The following GASK1B variants were observed in gnomAD, a reference collection of about 807,000 sequenced individuals.
GASK1B encodes Golgi-associated kinase 1B.
A neutral mutation model predicts 42.8 loss-of-function variants in GASK1B; 34 were observed. The ratio of observed to expected loss-of-function variants is 0.79; its 90% CI spans 0.60 to 1.06. The LOEUF is 1.06. Among genes scored for constraint, GASK1B ranks in the 50% least tolerant of loss-of-function variants. GASK1B has a pLI of 0.00. For synonymous variants in GASK1B, 262 were observed against 259.1 expected, an observed-to-expected ratio of 1.01 and a Z score of -0.11; for missense variants, 686 against 661.0, an observed-to-expected ratio of 1.04 and a Z score of -0.42.
At position 158,126,449 on chromosome 4, in the gene GASK1B, A is replaced by C. The variant is rs1415901757; in HGVS notation, c.*958T>G. 1 of 152,144 alleles carries C rather than the reference A, an allele frequency of 6.6e-6. No individual in the cohort carries two copies. The highest frequency in any genetic ancestry group is 2.4e-5 in the African/African-American group (1 of 41,460). The allele number at this position is 152,144 out of a possible 1,614,324, so 9.4% of individuals were successfully genotyped here. A position where few individuals can be genotyped will look rare whatever the true frequency, so the allele number is the denominator to read the frequency against. On this transcript the variant is annotated 3_prime_UTR_variant, in exon 5 of 5. Coordinates refer to ENST00000585682, the MANE Select transcript of GASK1B (RefSeq NM_001128424.2). ...TTGAAACACACTCAATATTTGAACC[A>C]ATTCTCAATATCTGGGCAGTAACCA...
chr4:158,144,969 A>G (rs1223671125), intron 3 of GASK1B, among the ~76,000 whole-genome samples: 1 of 152,202 alleles, frequency 6.6e-6, no homozygotes. Flanking sequence ...TTGCTGTCAT[A>G]GCACCTGACT....
At chr4:158,156,416 T>G (rs1483371963) in intron 2 of GASK1B, among the ~76,000 whole-genome samples, 1 of 152,222 alleles carries the variant, frequency 6.6e-6, no homozygotes, top group East Asian at 1.9e-4. Context: ...ACAACAGTGC[T>G]CTTGGTAAGG....
intron 3 of GASK1B, among the ~76,000 whole-genome samples, chr4:158,144,016 T>A (rs1731237768): frequency 6.6e-6 from 1 of 152,206 alleles, no homozygotes; most frequent in South Asian, 2.1e-4. Flanking sequence ...TTTTTTGTCA[T>A]GTTTTACCAT....
chr4:158,129,526 C>T (rs370628110), intron 4 of GASK1B, among the ~76,000 whole-genome samples: 7 of 152,068 alleles, frequency 4.6e-5, no homozygotes, highest in African/African-American at 1.2e-4. Context: ...TGCTAAAGTA[C>T]ATAAAATCCA....
intron 2 of GASK1B, among the ~76,000 whole-genome samples, chr4:158,162,133 A>G (rs1214497068): frequency 3.9e-5 from 6 of 152,144 alleles, no homozygotes; most frequent in African/African-American, 1.4e-4. Flanking sequence ...ACTTTTAAGA[A>G]CCAGTTCTGG....
At chr4:158,145,025 C>T (rs1026693166) in intron 3 of GASK1B, among the ~76,000 whole-genome samples, 1 of 152,124 alleles carries the variant, frequency 6.6e-6, no homozygotes, top group African/African-American at 2.4e-5. Context: ...CGGCAAGACC[C>T]TTGACCATCA....
intron 3 of GASK1B, among the ~76,000 whole-genome samples, chr4:158,134,881 A>G (rs1465001634): frequency 1.3e-5 from 2 of 152,320 alleles, no homozygotes; most frequent in African/African-American, 2.4e-5. Context: ...GCAGAAACCT[A>G]AAGATGTTCC....
In GASK1B at chr4:158,125,131, C is replaced by T. The variant is rs995613563; in HGVS notation, c.*2276G>A. The T allele has an allele frequency of 7.2e-5, 11 of 152,142 alleles. No individual in the cohort carries two copies. Among genetic ancestry groups the T allele is most frequent in the Admixed American group, 2.6e-4 (4 of 15,266 alleles). The allele number at this position is 152,142 out of a possible 1,614,324, so 9.4% of individuals were successfully genotyped here. ...TACCTATTAGAATTAAAAGCCTGGC[C>T]TTCGGCTATCCATTAGTCAAAAATA... On this transcript the variant is annotated 3_prime_UTR_variant, in exon 5 of 5. Coordinates refer to ENST00000585682, the MANE Select transcript of GASK1B (RefSeq NM_001128424.2).
chr4:158,154,125 T>A, intron 3 of GASK1B, among the ~76,000 whole-genome samples: 1 of 138,372 alleles, frequency 7.2e-6, no homozygotes, highest in Admixed American at 7.3e-5. Flanking sequence ...GACAAAGGAC[T>A]AATATCCAGA....
chr4:158,161,068 G>A lies in GASK1B; in HGVS notation c.911-5243C>T, dbSNP rs1051281724. Among the ~76,000 whole-genome samples the A allele has an allele frequency of 7.3e-5, 11 of 151,508 alleles. No homozygotes were observed. The East Asian group carries it at 7.8e-4, about 11-fold the overall frequency. On this transcript the variant is annotated intron_variant, in intron 2 of 4. Transcript: ENST00000585682. ...ATGGTGACTATAATAATAATATAACGTATATATCAAAATTACTAAAAGAAT... is the reference window on the plus strand; with the variant it reads ...ATGGTGACTATAATAATAATATAACATATATATCAAAATTACTAAAAGAAT...
At chr4:158,171,770 G>A (rs1392173945) in intron 1 of GASK1B, among the ~76,000 whole-genome samples, 171 bp from the exon 2 acceptor site, 3 of 152,108 alleles carry the variant, frequency 2.0e-5, no homozygotes, top group Non-Finnish European at 4.4e-5. Context: ...AGATTTGATA[G>A]TCACTTGAAA....
intron 3 of GASK1B, among the ~76,000 whole-genome samples, chr4:158,133,381 GA>G (rs1730759199): frequency 6.6e-6 from 1 of 152,068 alleles, no homozygotes; most frequent in Admixed American, 6.5e-5. Flanking sequence ...AACCCGTAAA[GA>G]AAATGCTACC....
In GASK1B at chr4:158,170,754, A is replaced by G. The variant is rs756044311; in HGVS notation, c.622T>C (p.Tyr208His). 1 of 1,614,224 alleles carries G rather than the reference A, an allele frequency of 6.2e-7. No individual in the cohort carries two copies. The highest frequency in any genetic ancestry group is 1.7e-5 in the Admixed American group (1 of 60,036). Residue 208 changes from tyrosine to histidine, a missense_variant, in exon 2 of 5, where the codon TAC becomes CAC. By Grantham distance (83) the Tyr-to-His change is moderately conservative (BLOSUM62 2). Coordinates refer to ENST00000585682, the MANE Select transcript of GASK1B (RefSeq NM_001128424.2). ...PSSRESNIRI[Y>H]SESAPSWLSK... is the part of the protein sequence containing the mutation. Reference sequence around the variant, plus strand: ...AGCCAGGAGGGGGCGCTCTCGCTGTAGATCCTAATGTTGCTCTCCCTGGAG... The same window carrying G: ...AGCCAGGAGGGGGCGCTCTCGCTGTGGATCCTAATGTTGCTCTCCCTGGAG...
intron 2 of GASK1B, chr4:158,159,548 C>G (rs375456204): frequency 4.5e-6 from 2 of 448,222 alleles, no homozygotes; most frequent in African/African-American, 2.0e-5. Flanking sequence ...AAGCATTCAT[C>G]TCTCCACATT....
In GASK1B at chr4:158,125,159, T is replaced by A. The variant is rs1484625562; in HGVS notation, c.*2248A>T. On this transcript the variant is annotated 3_prime_UTR_variant, in exon 5 of 5. Coordinates refer to ENST00000585682, the MANE Select transcript of GASK1B (RefSeq NM_001128424.2). Reference sequence around the variant, plus strand: ...CGGCTATCCATTAGTCAAAAATAATTCATCATGAATTACTCATTGATTACA... The same window carrying A: ...CGGCTATCCATTAGTCAAAAATAATACATCATGAATTACTCATTGATTACA... 6.6e-6 allele frequency: 1 copy of A among 152,216 alleles called. No individual in the cohort carries two copies. The highest frequency in any genetic ancestry group is 2.4e-5 in the African/African-American group (1 of 41,472). 9.4% of individuals were successfully genotyped at this position (152,216 alleles called of 1,614,324 possible). A position where few individuals can be genotyped will look rare whatever the true frequency, so the allele number is the denominator to read the frequency against.
rs1483799608 is a variant in GASK1B, at chr4:158,125,684, T to C, written c.*1723A>G. On this transcript the variant is annotated 3_prime_UTR_variant, in exon 5 of 5. Coordinates refer to ENST00000585682, the MANE Select transcript of GASK1B (RefSeq NM_001128424.2). ...AAGCAGAGGGAGACACTCGGGTCAA[T>C]AGAGGGAAAATTGAAGAGGAAGATA... 2.0e-5 allele frequency: 3 copies of C among 151,956 alleles called. No homozygotes were observed. The highest frequency in any genetic ancestry group is 4.4e-5 in the Non-Finnish European group (3 of 67,992). 9.4% of individuals were successfully genotyped at this position (151,956 alleles called of 1,614,324 possible). A position where few individuals can be genotyped will look rare whatever the true frequency, so the allele number is the denominator to read the frequency against.
Position 158,124,864 on chromosome 4 carries a change from A to T in GASK1B, c.*2543T>A, listed in dbSNP as rs1239845800. ...TAAAAAGCACATATCTTTAATTTCT[A>T]ATGTTTTATTATAGATTTTTAAGAT... is the stretch of plus-strand genomic sequence containing the variant. On this transcript the variant is annotated 3_prime_UTR_variant, in exon 5 of 5. Transcript: ENST00000585682. The T allele has an allele frequency of 1.3e-5, 2 of 152,170 alleles. No individual in the cohort carries two copies. The highest frequency in any genetic ancestry group is 2.9e-5 in the Non-Finnish European group (2 of 68,012). 9.4% of individuals were successfully genotyped at this position (152,170 alleles called of 1,614,324 possible).
At chr4:158,139,218 G>T (rs2110948993) in intron 3 of GASK1B, among the ~76,000 whole-genome samples, 1 of 152,318 alleles carries the variant, frequency 6.6e-6, no homozygotes, top group East Asian at 1.9e-4. Flanking sequence ...TTGCTTTCAT[G>T]AAGATTACAA....
intron 1 of GASK1B, among the ~76,000 whole-genome samples, chr4:158,171,926 T>C (rs2111037211): frequency 6.6e-6 from 1 of 152,300 alleles, no homozygotes; most frequent in African/African-American, 2.4e-5. Flanking sequence ...AGACAAGTAA[T>C]AGATAATTTT....
Sources: allele counts gnomAD v4.1 joint callset (sites outside exome capture counted in the v4.1 genomes callset), GRCh38; gene constraint gnomAD v4.1.1; transcripts MANE v1.5; gene names NCBI Gene and HGNC (gene_info 2026-07-23, HGNC 2026-07-21).